RIMS1: variants seen among roughly 807,000 people sequenced by gnomAD.
The protein encoded by RIMS1 is regulating synaptic membrane exocytosis 1.
A neutral mutation model predicts 214.1 loss-of-function variants in RIMS1; 83 were observed. The observed-to-expected ratio is 0.39, with a 90% confidence interval of 0.32 to 0.47. RIMS1 has a LOEUF of 0.47. Ranked by LOEUF, RIMS1 falls within the 20% of genes least tolerant of loss-of-function variation. The probability of loss-of-function intolerance (pLI) is 0.99; values close to 1 mark genes in which losing one functional copy is unlikely to be tolerated. For synonymous variants in RIMS1, 793 were observed against 786.8 expected (o/e 1.01, Z -0.13); for missense variants, 2,050 against 2,161.8 (o/e 0.95, Z 1.03).
intron 29 of RIMS1, among the ~76,000 whole-genome samples, chr6:72,364,079 T>C (rs2097912340): frequency 6.6e-6 from 1 of 152,216 alleles, no homozygotes; most frequent in African/African-American, 2.4e-5. Context: ...GGGCCTTTCC[T>C]TTTGCCTTTT....
At chr6:72,036,251 T>C (rs1376790595) in intron 2 of RIMS1, among the ~76,000 whole-genome samples, 1 of 152,206 alleles carries the variant, frequency 6.6e-6, no homozygotes, top group Non-Finnish European at 1.5e-5. Context: ...TTAAGGAGTT[T>C]CTTAATTTTC....
chr6:72,387,153 G>A (rs905485916), intron 29 of RIMS1, among the ~76,000 whole-genome samples: 1 of 151,728 alleles, frequency 6.6e-6, no homozygotes. Flanking sequence ...CATAATAGAT[G>A]CTCCATAAAT....
intron 27 of RIMS1, among the ~76,000 whole-genome samples, chr6:72,308,211 T>G (rs73536165): frequency 0.01 from 1,526 of 152,242 alleles, 20 homozygotes; most frequent in African/African-American, 0.035. Flanking sequence ...CATTTAATTT[T>G]TATTTCAATA....
chr6:72,033,644 G>A (rs1260666618), intron 2 of RIMS1, among the ~76,000 whole-genome samples: 1 of 151,928 alleles, frequency 6.6e-6, no homozygotes, highest in Non-Finnish European at 1.5e-5. Context: ...ACTATGCCCG[G>A]CTAATTTTTG....
At chr6:71,911,189 C>G (rs115931499) in intron 1 of RIMS1, among the ~76,000 whole-genome samples, 3,185 of 152,160 alleles carry the variant, frequency 0.021, 97 homozygotes, top group African/African-American at 0.071. Flanking sequence ...CCATTGTTGG[C>G]TTATGTTTTA....
At chr6:72,178,823 G>T (rs1341983905) in intron 4 of RIMS1, among the ~76,000 whole-genome samples, 1 of 152,100 alleles carries the variant, frequency 6.6e-6, no homozygotes, top group Non-Finnish European at 1.5e-5. Flanking sequence ...TATTTTAAGT[G>T]GTGCTACATC....
chr6:72,260,740 G>C lies in RIMS1; in HGVS notation c.3089G>C (p.Arg1030Pro), dbSNP rs367992303. The change falls in exon 19 of 34, where the codon CGA becomes CCA. Residue 1030 changes from arginine to proline, a missense_variant. By Grantham distance (103) the Arg-to-Pro change is moderately radical (BLOSUM62 -2). This residue lies in a region of RIMS1 where 889 missense variants were observed against 885.5 expected (regional missense o/e 1.00). Coordinates refer to ENST00000521978, the MANE Select transcript of RIMS1 (RefSeq NM_014989.7). ...LLMLPRAKRG[R>P]SAECLHTTRH... ...ATGCTGCCCAGAGCAAAACGAGGAC[G>C]AAGTGCAGAATGCCTACATACTACC... 1 of 1,612,354 alleles carries C rather than the reference G, an allele frequency of 6.2e-7. No individual in the cohort carries two copies. The highest frequency in any genetic ancestry group is 8.5e-7 in the Non-Finnish European group (1 of 1,178,848).
At chr6:72,066,525 G>T (rs932689767) in intron 2 of RIMS1, among the ~76,000 whole-genome samples, 7 of 152,096 alleles carry the variant, frequency 4.6e-5, no homozygotes, top group African/African-American at 1.7e-4. Flanking sequence ...AAAGAAACTG[G>T]ATCCTTTTCT....
intron 2 of RIMS1, among the ~76,000 whole-genome samples, chr6:72,010,125 A>G (rs1420246766): frequency 1.3e-5 from 2 of 152,212 alleles, no homozygotes; most frequent in Non-Finnish European, 2.9e-5. Context: ...CAAAAAGCTT[A>G]TCCACCATGA....
At chr6:72,017,196 T>TA (rs1244890092) in intron 2 of RIMS1, among the ~76,000 whole-genome samples, 2 of 152,232 alleles carry the variant, frequency 1.3e-5, no homozygotes, top group African/African-American at 2.4e-5. Context: ...TCCCTATTTT[T>TA]ATCCCTGCTC....
At chr6:72,331,609 G>A (rs764848546) in intron 28 of RIMS1, among the ~76,000 whole-genome samples, 1 of 151,832 alleles carries the variant, frequency 6.6e-6, no homozygotes, top group Non-Finnish European at 1.5e-5. Flanking sequence ...ATATGTTGGT[G>A]AAGACACAGA....
intron 23 of RIMS1, among the ~76,000 whole-genome samples, chr6:72,278,195 C>CTATCTATA (rs1554419355): frequency 1.3e-5 from 2 of 149,522 alleles, no homozygotes; most frequent in South Asian, 2.1e-4. Context: ...ATCTATCTAT[C>CTATCTATA]TATATATGAT....
chr6:71,891,164 T>C (rs1475130566), intron 1 of RIMS1, among the ~76,000 whole-genome samples: 2 of 152,156 alleles, frequency 1.3e-5, no homozygotes, highest in African/African-American at 2.4e-5. Flanking sequence ...TGTTAGAAGG[T>C]AATAAAAAGC....
intron 6 of RIMS1, chr6:72,213,108 T>C (rs1027733698): frequency 5.2e-6 from 8 of 1,536,894 alleles, no homozygotes; most frequent in Admixed American, 2.0e-5. Context: ...TGGATTTATT[T>C]CCAAGTTTGC....
intron 4 of RIMS1, among the ~76,000 whole-genome samples, chr6:72,145,153 G>T (rs1217846094): frequency 6.6e-6 from 1 of 152,072 alleles, no homozygotes; most frequent in Non-Finnish European, 1.5e-5. Context: ...TTTCCCATAG[G>T]CTTTTTAAAA....
chr6:72,159,337 T>C (rs971383289), intron 4 of RIMS1, among the ~76,000 whole-genome samples: 5 of 140,716 alleles, frequency 3.6e-5, no homozygotes, highest in African/African-American at 1.2e-4. Context: ...TCTCCCATTC[T>C]GTAGGTTGCC....
chr6:72,257,242 G>C (rs1311327179), intron 16 of RIMS1, among the ~76,000 whole-genome samples: 1 of 149,406 alleles, frequency 6.7e-6, no homozygotes, highest in East Asian at 2.0e-4. Flanking sequence ...TTTTCCTTAT[G>C]ATAATAAAAA....
At chr6:72,130,873 A>G (rs2040327291) in intron 4 of RIMS1, among the ~76,000 whole-genome samples, 1 of 152,168 alleles carries the variant, frequency 6.6e-6, no homozygotes, top group Admixed American at 6.6e-5. Context: ...CTTTGCAAAA[A>G]TAAAGAAATT....
intron 4 of RIMS1, among the ~76,000 whole-genome samples, chr6:72,175,072 T>G (rs2047520868): frequency 6.6e-6 from 1 of 152,274 alleles, no homozygotes; most frequent in South Asian, 2.1e-4. Flanking sequence ...GTCAACAAAG[T>G]TGAAATATTA....
Sources: allele counts gnomAD v4.1 joint callset (sites outside exome capture counted in the v4.1 genomes callset), GRCh38; gene constraint gnomAD v4.1.1; regional missense constraint gnomAD v4.1.1; transcripts MANE v1.5; gene names NCBI Gene and HGNC (gene_info 2026-07-23, HGNC 2026-07-21).